Variants in EXPH5 observed in about 807,000 individuals in gnomAD.
EXPH5 encodes exophilin 5.
In EXPH5, 42 loss-of-function variants were observed where a neutral mutation model predicts 41.1. That is an observed-to-expected ratio of 1.02 (90% confidence interval 0.80 to 1.32). The LOEUF (loss-of-function observed/expected upper bound fraction) is 1.32, where lower values mean the gene tolerates loss of function less well. EXPH5 is among the 40% of genes most tolerant of loss of function. The pLI, the probability that EXPH5 is intolerant of heterozygous loss-of-function variation, is 0.00. For missense variants in EXPH5, 2,298 were observed against 2,314.5 expected (o/e 0.99, Z 0.15); for synonymous variants, 798 against 833.5 (o/e 0.96, Z 0.73).
At chr11:108,535,607 G>A (rs2093874374) in intron 3 of EXPH5, among the ~76,000 whole-genome samples, 1 of 152,144 alleles carries the variant, frequency 6.6e-6, no homozygotes. Flanking sequence ...TCAAGAGACA[G>A]AGAGAACAGG....
rs2093665020 is a variant in EXPH5, at chr11:108,509,864, G to A, written c.5643C>T (p.Tyr1881=). The change falls in exon 6 of 6, where the codon TAC becomes TAT. Residue 1881 remains tyrosine, a synonymous_variant. Coordinates refer to ENST00000265843, the MANE Select transcript of EXPH5 (RefSeq NM_015065.3). ...CAAAGATCCCATAGTCGATAGGTCT[G>A]TATATAGATATTGCAGACCTGGGAC... ...KTGPRSAISI[Y]RPIDYGIFGK... is the part of the protein sequence containing the mutation. 6 of 1,611,494 alleles carry A rather than the reference G, an allele frequency of 3.7e-6. No homozygotes were observed. The highest frequency in any genetic ancestry group is 1.7e-5 in the Admixed American group (1 of 59,386).
intron 1 of EXPH5, among the ~76,000 whole-genome samples, chr11:108,589,278 C>T (rs2094121801): frequency 6.6e-6 from 1 of 152,124 alleles, no homozygotes; most frequent in Admixed American, 6.6e-5. Flanking sequence ...GAAACTCTGC[C>T]CCTTAGCCAG....
intron 1 of EXPH5, among the ~76,000 whole-genome samples, chr11:108,547,918 T>C (rs1488894822): frequency 6.6e-6 from 1 of 152,088 alleles, no homozygotes; most frequent in Non-Finnish European, 1.5e-5. Flanking sequence ...AAGACCAGCC[T>C]GGCCAACATG....
chr11:108,536,343 G>C (rs913331972), intron 3 of EXPH5, among the ~76,000 whole-genome samples: 1 of 150,760 alleles, frequency 6.6e-6, no homozygotes, highest in Non-Finnish European at 1.5e-5. Flanking sequence ...GCGGCTCACC[G>C]TACCCTCCAC....
chr11:108,540,971 C>T (rs1187370619), intron 2 of EXPH5, among the ~76,000 whole-genome samples: 1 of 152,040 alleles, frequency 6.6e-6, no homozygotes, highest in Non-Finnish European at 1.5e-5. Flanking sequence ...GTGGCATGAT[C>T]TCAGCTCACT....
chr11:108,549,254 G>A (rs952495435), intron 1 of EXPH5, among the ~76,000 whole-genome samples: 2 of 152,144 alleles, frequency 1.3e-5, no homozygotes, highest in African/African-American at 4.8e-5. Context: ...GTCTTTTCTT[G>A]CTAGGCCAGA....
At chr11:108,517,743 A>G (rs543655932) in intron 5 of EXPH5, among the ~76,000 whole-genome samples, 3 of 152,198 alleles carry the variant, frequency 2.0e-5, no homozygotes, top group South Asian at 4.2e-4. Flanking sequence ...TGTATTTCCT[A>G]AAGATGTATT....
intron 4 of EXPH5, among the ~76,000 whole-genome samples, chr11:108,518,736 C>A (rs565119688): frequency 2.6e-5 from 4 of 152,142 alleles, no homozygotes; most frequent in Non-Finnish European, 5.9e-5. Flanking sequence ...CATTCCCAGC[C>A]GGTTAAGGCA....
In EXPH5 at chr11:108,532,356, ATATATATATATTTTTTTTTTTTTTTTT is replaced by A. The variant is rs1351479352; in HGVS notation, c.444-4199_444-4173del. Among the ~76,000 whole-genome samples, 33 of 20,194 alleles carry A rather than the reference ATATATATATATTTTTTTTTTTTTTTTT, an allele frequency of 1.6e-3. 1 individual carries two copies. Among genetic ancestry groups the A allele is most frequent in the African/African-American group, 8.4e-3 (32 of 3,818 alleles). The allele number at this position is 20,194 out of a possible 152,430, so 13.2% of individuals were successfully genotyped here. A position where few individuals can be genotyped will look rare whatever the true frequency, so the allele number is the denominator to read the frequency against. On this transcript the variant is annotated intron_variant, in intron 3 of 5. Coordinates refer to ENST00000265843, the MANE Select transcript of EXPH5 (RefSeq NM_015065.3). ...CCACACTGGATATATATATATATAT[ATATATATATATTTTTTTTTTTTTTTTT>A]TTTTTTTTTTTTGTAGAGATGGGGT...
chr11:108,556,340 T>C (rs951319133), intron 1 of EXPH5, among the ~76,000 whole-genome samples: 1 of 152,184 alleles, frequency 6.6e-6, no homozygotes, highest in African/African-American at 2.4e-5. Context: ...TGTTTTTGTT[T>C]TTTAAGTTTC....
chr11:108,533,210 T>A (rs1591703894), intron 3 of EXPH5, among the ~76,000 whole-genome samples: 1 of 76,276 alleles, frequency 1.3e-5, no homozygotes, highest in Admixed American at 1.1e-4. Context: ...CTACATTCTA[T>A]TTTTTTTTTT....
intron 1 of EXPH5, among the ~76,000 whole-genome samples, chr11:108,560,269 T>C (rs1013163171): frequency 7.9e-5 from 12 of 152,238 alleles, no homozygotes; most frequent in Non-Finnish European, 1.8e-4. Flanking sequence ...AAGCTTGTTG[T>C]TGACATCAGT....
intron 1 of EXPH5, among the ~76,000 whole-genome samples, chr11:108,585,686 G>C (rs1452717744): frequency 6.6e-6 from 1 of 152,220 alleles, no homozygotes; most frequent in Non-Finnish European, 1.5e-5. Flanking sequence ...GAATGGTACA[G>C]CTGTGGGAAA....
intron 1 of EXPH5, among the ~76,000 whole-genome samples, chr11:108,567,305 T>C (rs1263138052): frequency 5.3e-5 from 8 of 152,224 alleles, no homozygotes. Context: ...AACTCCTGAT[T>C]ATAGCACAAT....
chr11:108,512,089 T>C lies in EXPH5; in HGVS notation c.3418A>G (p.Lys1140Glu). 1.2e-6 allele frequency: 2 copies of C among 1,613,246 alleles called. No individual in the cohort carries two copies. Among genetic ancestry groups the C allele is most frequent in the African/African-American group, 1.3e-5 (1 of 74,980 alleles). The change falls in exon 6 of 6, where the codon AAA becomes GAA. Residue 1140 changes from lysine (K) to glutamate (E), a missense_variant. By Grantham distance (56) the Lys-to-Glu change is moderately conservative. Coordinates refer to ENST00000265843, the MANE Select transcript of EXPH5 (RefSeq NM_015065.3). ...TCCATGCCTGAGGTCAATGGCTTTT[T>C]TCTTCCTTCTCTTCCAGTTGAGGCA... ...PHASTGREGRKKPLTSGMDAS... is the reference protein window; with the variant it reads ...PHASTGREGREKPLTSGMDAS...
chr11:108,581,312 G>GAA (rs1159589268), intron 1 of EXPH5, among the ~76,000 whole-genome samples: 3 of 146,488 alleles, frequency 2.0e-5, no homozygotes, highest in African/African-American at 4.9e-5. Context: ...TCAGAGAAAA[G>GAA]AAAAAAATAT....
intron 3 of EXPH5, among the ~76,000 whole-genome samples, chr11:108,532,781 A>T (rs1485263542): frequency 1.3e-5 from 2 of 152,056 alleles, no homozygotes; most frequent in African/African-American, 2.4e-5. Context: ...TTTGCCTAAA[A>T]CACTTTTCTA....
At position 108,539,071 on chromosome 11, in the gene EXPH5, C is replaced by T; in HGVS notation, c.396G>A (p.Arg132=). The T allele has an allele frequency of 6.2e-7, 1 of 1,608,040 alleles. No homozygotes were observed. Among genetic ancestry groups the T allele is most frequent in the Non-Finnish European group, 8.5e-7 (1 of 1,176,762 alleles). Residue 132 remains arginine, a synonymous_variant, in exon 3 of 6, where the codon AGG becomes AGA. Transcript: ENST00000265843. Reference sequence around the variant, plus strand: ...GCTTTGAAGTCTCCTTTCCAGATTTCCTGAATGAGAACAGGGAAGCAAATG... The same window carrying T: ...GCTTTGAAGTCTCCTTTCCAGATTTTCTGAATGAGAACAGGGAAGCAAATG... ...RSSFASLFSF[R]KSGKETSKLP...
intron 1 of EXPH5, among the ~76,000 whole-genome samples, chr11:108,579,104 A>G (rs1295371148): frequency 6.6e-6 from 1 of 152,030 alleles, no homozygotes; most frequent in Non-Finnish European, 1.5e-5. Flanking sequence ...AAAGGCTTTC[A>G]GTTTTCCCCC....
Sources: gnomAD v4.1 joint callset for allele counts (sites outside exome capture counted in the v4.1 genomes callset) on GRCh38, gnomAD v4.1.1 for gene constraint, MANE v1.5 for transcripts, NCBI Gene and HGNC (gene_info 2026-07-23, HGNC 2026-07-21) for gene names.